The following ANTXR1 variants were observed in gnomAD, a reference collection of about 807,000 sequenced individuals.
ANTXR1 encodes the protein anthrax toxin receptor 1.
In ANTXR1, 19 loss-of-function variants were observed where a neutral mutation model predicts 78.1. The ratio of observed to expected loss-of-function variants is 0.24; its 90% CI spans 0.17 to 0.36. The LOEUF (loss-of-function observed/expected upper bound fraction) is 0.36, where lower values mean the gene tolerates loss of function less well. ANTXR1 is among the 10% of genes least tolerant of loss of function. The pLI is 1.00. For missense variants in ANTXR1, 518 were observed against 718.6 expected (o/e 0.72, Z 3.19); for synonymous variants, 273 against 260.5 (o/e 1.05, Z -0.46).
chr2:69,043,937 G>T (rs1669681841), intron 2 of ANTXR1, among the ~76,000 whole-genome samples: 1 of 152,136 alleles, frequency 6.6e-6, no homozygotes, highest in Non-Finnish European at 1.5e-5. Flanking sequence ...TTATTGCATT[G>T]TGAAGAAATA....
chr2:69,161,644 A>G (rs906753366), intron 13 of ANTXR1, among the ~76,000 whole-genome samples: 2 of 152,212 alleles, frequency 1.3e-5, no homozygotes, highest in Non-Finnish European at 2.9e-5. Context: ...TTCCATATCA[A>G]GTTGCCTACT....
chr2:69,041,999 C>T (rs1436586013), intron 2 of ANTXR1, among the ~76,000 whole-genome samples: 1 of 152,090 alleles, frequency 6.6e-6, no homozygotes, highest in Non-Finnish European at 1.5e-5. Context: ...CATAACAGTG[C>T]CAGACACATA....
chr2:69,019,848 T>G (rs1318644050), intron 1 of ANTXR1, among the ~76,000 whole-genome samples: 2 of 152,160 alleles, frequency 1.3e-5, no homozygotes. Flanking sequence ...GTTTTCTGTT[T>G]GTGCATTAGT....
chr2:69,100,843 G>T (rs1250698763), intron 9 of ANTXR1, among the ~76,000 whole-genome samples: 1 of 152,178 alleles, frequency 6.6e-6, no homozygotes, highest in Non-Finnish European at 1.5e-5. Context: ...CAAGGAATCT[G>T]TCAGATGCCT....
Position 69,246,804 on chromosome 2 carries a change from A to T in ANTXR1, c.*1319A>T, listed in dbSNP as rs1473121701. On this transcript the variant is annotated 3_prime_UTR_variant, in exon 18 of 18. Transcript: ENST00000303714. ...ACACTGGGCTTCATCACCCAGGGAT[A>T]AAAACAGAGATCATTGTCTTGGACC... 1 of 152,226 alleles carries T rather than the reference A, an allele frequency of 6.6e-6. No individual in the cohort carries two copies. Among genetic ancestry groups the T allele is most frequent in the Non-Finnish European group, 1.5e-5 (1 of 68,046 alleles). The allele number at this position is 152,226 out of a possible 1,614,324, so 9.4% of individuals were successfully genotyped here. A position where few individuals can be genotyped will look rare whatever the true frequency, so the allele number is the denominator to read the frequency against.
chr2:69,135,016 C>A, intron 12 of ANTXR1: 1 of 415,148 alleles, frequency 2.4e-6, no homozygotes, highest in Non-Finnish European at 5.0e-6. Flanking sequence ...GTTTTACATA[C>A]AATCATTAGA....
At chr2:69,094,909 T>G (rs1671349338) in intron 9 of ANTXR1, among the ~76,000 whole-genome samples, 1 of 152,178 alleles carries the variant, frequency 6.6e-6, no homozygotes, top group Non-Finnish European at 1.5e-5. Flanking sequence ...CAATTAACGG[T>G]AAGATAGCAG....
rs982632337 is a variant in ANTXR1 at position 69,198,005 on chromosome 2, T to C, written c.1434+4590T>C. ...ATATCATTTTAATGACCATGTCATATTACATTGCATATCTTCCCTTTTTGG... is the reference window on the plus strand; with the variant it reads ...ATATCATTTTAATGACCATGTCATACTACATTGCATATCTTCCCTTTTTGG... On this transcript the variant is annotated intron_variant, in intron 17 of 17. Coordinates refer to ENST00000303714, the MANE Select transcript of ANTXR1 (RefSeq NM_032208.3). Among the ~76,000 whole-genome samples, 33 of 152,254 alleles carry C rather than the reference T, an allele frequency of 2.2e-4. 4 individuals are homozygous for C. Among genetic ancestry groups the C allele is most frequent in the Admixed American group, 2.0e-3 (31 of 15,286 alleles).
intron 1 of ANTXR1, among the ~76,000 whole-genome samples, chr2:69,017,824 G>A (rs1671065976): frequency 6.6e-6 from 1 of 152,196 alleles, no homozygotes; most frequent in African/African-American, 2.4e-5. Context: ...CCTCTTTTAA[G>A]TCTTCCAGGG....
intron 6 of ANTXR1, among the ~76,000 whole-genome samples, chr2:69,073,523 A>G (rs57123157): frequency 0.02 from 3,012 of 152,328 alleles, 89 homozygotes; most frequent in African/African-American, 0.068. Flanking sequence ...GAATGTATCA[A>G]TCACTGAGAT....
chr2:69,085,223 G>C (rs966579303), intron 8 of ANTXR1, among the ~76,000 whole-genome samples: 104 of 152,246 alleles, frequency 6.8e-4, no homozygotes, highest in African/African-American at 2.4e-3. Flanking sequence ...TGGCGCTTCT[G>C]TGGGAGGCTG....
chr2:69,233,148 C>G (rs1235893286), intron 17 of ANTXR1, among the ~76,000 whole-genome samples: 1 of 152,040 alleles, frequency 6.6e-6, no homozygotes, highest in East Asian at 1.9e-4. Context: ...TAAATAACAG[C>G]ATGTCTAGAA....
At chr2:69,027,620 A>ATGTGTGTGTG (rs1671382144) in intron 1 of ANTXR1, among the ~76,000 whole-genome samples, 2 of 94,256 alleles carry the variant, frequency 2.1e-5, no homozygotes, top group African/African-American at 1.2e-4. Flanking sequence ...GAGATGATGC[A>ATGTGTGTGTG]AGTGTGTGTG....
chr2:69,154,563 C>A (rs1206410511), intron 13 of ANTXR1, among the ~76,000 whole-genome samples: 2 of 152,170 alleles, frequency 1.3e-5, no homozygotes, highest in Non-Finnish European at 2.9e-5. Context: ...ATACAGCACC[C>A]CTCACCACAG....
intron 9 of ANTXR1, among the ~76,000 whole-genome samples, chr2:69,100,366 G>A (rs1671567935): frequency 6.6e-6 from 1 of 152,152 alleles, no homozygotes; most frequent in Non-Finnish European, 1.5e-5. Flanking sequence ...GCTCGCCTCT[G>A]CCCTGGTGCA....
At chr2:69,196,461 G>T (rs1674670208) in intron 17 of ANTXR1, among the ~76,000 whole-genome samples, 1 of 152,218 alleles carries the variant, frequency 6.6e-6, no homozygotes, top group African/African-American at 2.4e-5. Flanking sequence ...TCACAGATGA[G>T]GTAAGAACCA....
chr2:69,097,505 C>A (rs1383616914), intron 9 of ANTXR1, among the ~76,000 whole-genome samples: 1 of 152,220 alleles, frequency 6.6e-6, no homozygotes, highest in Admixed American at 6.5e-5. Context: ...GTATTCCTCT[C>A]ACTTTTCATT....
chr2:69,161,945 A>G (rs888640537), intron 13 of ANTXR1, among the ~76,000 whole-genome samples: 3 of 152,230 alleles, frequency 2.0e-5, no homozygotes, highest in Non-Finnish European at 2.9e-5. Flanking sequence ...AAAGGCTTCA[A>G]AAAAGACCTT....
At chr2:69,230,627 C>G (rs937764280) in intron 17 of ANTXR1, among the ~76,000 whole-genome samples, 5 of 152,108 alleles carry the variant, frequency 3.3e-5, no homozygotes, top group African/African-American at 1.2e-4. Context: ...TCGGGAGAGA[C>G]TTTTCAACCT....
Sources: gnomAD v4.1 joint callset for allele counts (sites outside exome capture counted in the v4.1 genomes callset) on GRCh38, gnomAD v4.1.1 for gene constraint, MANE v1.5 for transcripts, NCBI Gene and HGNC (gene_info 2026-07-23, HGNC 2026-07-21) for gene names.